Variants in PC observed in about 807,000 individuals in gnomAD.
PC encodes the protein pyruvate carboxylase.
In PC, 46 loss-of-function variants were observed where a neutral mutation model predicts 107.8. That is an observed-to-expected ratio of 0.43 (90% confidence interval 0.34 to 0.55). The LOEUF is 0.55. Among genes scored for constraint, PC ranks in the 20% least tolerant of loss-of-function variants. The pLI, the probability that PC is intolerant of heterozygous loss-of-function variation, is 0.04. For synonymous variants in PC, 662 were observed against 684.7 expected (o/e 0.97, Z 0.52); for missense variants, 1,241 against 1,643.1 (o/e 0.76, Z 4.23).
intron 12 of PC, chr11:66,859,985 C>A: frequency 6.2e-7 from 1 of 1,600,470 alleles, no homozygotes; most frequent in Non-Finnish European, 8.5e-7. Context: ...GCCCCAGCCC[C>A]ACACCCAAGG....
At chr11:66,860,612 C>G in intron 12 of PC, 1 of 701,512 alleles carries the variant, frequency 1.4e-6, no homozygotes, top group Non-Finnish European at 2.6e-6. Context: ...CTCCTGGCTT[C>G]CTGTCCACAG....
chr11:66,896,491 A>G lies in PC; in HGVS notation c.1-24332T>C, dbSNP rs118140671. On this transcript the variant is annotated intron_variant, in intron 3 of 22. Coordinates refer to ENST00000393960, the MANE Select transcript of PC (RefSeq NM_001040716.2). ...TGCTGTCAATATGCTGCACCCAAAC[A>G]AGGGAGCAAGCAAACGAGAAAGAGG... Among the ~76,000 whole-genome samples the G allele has an allele frequency of 5.5e-4, 84 of 152,336 alleles. 1 individual carries two copies. The highest frequency in any genetic ancestry group is 9.1e-4 in the Admixed American group (14 of 15,304).
At chr11:66,877,021 C>T (rs1009321730) in intron 3 of PC, among the ~76,000 whole-genome samples, 4 of 152,178 alleles carry the variant, frequency 2.6e-5, no homozygotes, top group Non-Finnish European at 5.9e-5. Context: ...GGAGGCGGCC[C>T]GCAGGCACTG....
chr11:66,886,311 G>A (rs1947360909), intron 3 of PC, among the ~76,000 whole-genome samples: 1 of 150,106 alleles, frequency 6.7e-6, no homozygotes, highest in African/African-American at 2.4e-5. Context: ...GAGGCAGGGA[G>A]TGCAGGCAGG....
At position 66,849,223 on chromosome 11, in the gene PC, A is replaced by T; in HGVS notation, c.3288+7T>A. 2 of 1,613,736 alleles carry T rather than the reference A, an allele frequency of 1.2e-6. No homozygotes were observed. Among genetic ancestry groups the T allele is most frequent in the Non-Finnish European group, 1.7e-6 (2 of 1,180,028 alleles). ...CACCGCCTGGCTGGCCCTGGGGGAG[A>T]CAATACCTTCATGGCCTGGGTGTCC... On this transcript the variant is annotated splice_region_variant and intron_variant, in intron 22 of 22. Coordinates refer to ENST00000393960, the MANE Select transcript of PC (RefSeq NM_001040716.2).
intron 1 of PC, 141 bp from the exon 2 acceptor site, chr11:66,954,577 G>T (rs138229787): frequency 2.0e-5 from 3 of 152,416 alleles, no homozygotes; most frequent in East Asian, 3.9e-4. Context: ...TACAAGAAAC[G>T]GGGCCCATTC....
At chr11:66,895,200 TG>T (rs1338376503) in intron 3 of PC, among the ~76,000 whole-genome samples, 1 of 151,870 alleles carries the variant, frequency 6.6e-6, no homozygotes, top group Non-Finnish European at 1.5e-5. Flanking sequence ...TTGCCAAAAA[TG>T]GGGGTGGCAG....
chr11:66,855,056 C>A (rs959657093), intron 12 of PC, among the ~76,000 whole-genome samples: 1 of 152,272 alleles, frequency 6.6e-6, no homozygotes, highest in Non-Finnish European at 1.5e-5. Flanking sequence ...GGAACCTGCA[C>A]GGGCAGGGCT....
At chr11:66,875,517 C>T (rs1414177318) in intron 3 of PC, among the ~76,000 whole-genome samples, 1 of 152,048 alleles carries the variant, frequency 6.6e-6, no homozygotes, top group African/African-American at 2.4e-5. Context: ...GTCAGGCCTG[C>T]GTCTTCAGGC....
intron 16 of PC, 24 bp downstream of exon 16, chr11:66,851,766 C>T (rs1232405089): frequency 6.2e-7 from 1 of 1,612,776 alleles, no homozygotes; most frequent in South Asian, 1.1e-5. Flanking sequence ...CAGGTAGCGT[C>T]TGCCCACCCC....
At chr11:66,849,891 T>C (rs1945367001) in intron 20 of PC, 32 bp from the exon 21 acceptor site, 1 of 1,613,402 alleles carries the variant, frequency 6.2e-7, no homozygotes, top group East Asian at 2.2e-5. Context: ...CAGTCCCAAG[T>C]CCTGCATCCA....
Position 66,857,064 on chromosome 11 carries a change from G to T in PC, c.1369-3681C>A, listed in dbSNP as rs1476044115. The T allele has an allele frequency of 2.7e-5, 4 of 146,838 alleles. No individual in the cohort carries two copies. Among genetic ancestry groups the T allele is most frequent in the Admixed American group, 6.8e-5 (1 of 14,802 alleles). The allele number at this position is 146,838 out of a possible 1,614,324, so 9.1% of individuals were successfully genotyped here. A position where few individuals can be genotyped will look rare whatever the true frequency, so the allele number is the denominator to read the frequency against. ...GTGCGTGTCCGCGGCGCGCGCGCCC[G>T]CCGGCGCGCACCCGCTCGCCTGTCG... On this transcript the variant is annotated intron_variant, in intron 12 of 22. Transcript: ENST00000393960. This position sits in a 1 kb window ranked among gnomAD's most constrained non-coding sequence, Gnocchi z 7.1.
intron 3 of PC, among the ~76,000 whole-genome samples, chr11:66,885,215 G>A (rs914267831): frequency 6.6e-5 from 10 of 152,204 alleles, no homozygotes; most frequent in East Asian, 1.9e-4. Flanking sequence ...TGGGCCAGGC[G>A]CGATGGCTCA....
chr11:66,851,641 T>C (rs1468355632), intron 16 of PC, 149 bp downstream of exon 16: 30 of 860,052 alleles, frequency 3.5e-5, no homozygotes, highest in Non-Finnish European at 5.6e-5. Flanking sequence ...TTTACACTTC[T>C]CGATATTTCC....
At chr11:66,855,024 C>T (rs902914556) in intron 12 of PC, among the ~76,000 whole-genome samples, 1 of 152,276 alleles carries the variant, frequency 6.6e-6, no homozygotes, top group Non-Finnish European at 1.5e-5. Context: ...AGCTGATGCT[C>T]ACCTTTCCAG....
rs1565242741 is a variant in PC, at chr11:66,870,281, C to T, written c.903+21G>A. On this transcript the variant is annotated intron_variant, in intron 9 of 22. Transcript: ENST00000393960. This position sits in a 1 kb window ranked among gnomAD's most constrained non-coding sequence, Gnocchi z 6.1. ...CTGTGAGCACAGGCTCCTGTCCCAA[C>T]ACGGGAAGCCCACCCTTCACCTGTT... 6.2e-7 allele frequency: 1 copy of T among 1,612,052 alleles called. No individual in the cohort carries two copies. The highest frequency in any genetic ancestry group is 1.1e-5 in the South Asian group (1 of 91,036).
chr11:66,870,725 T>TGTGACGGCAC lies in PC; in HGVS notation c.751+49_751+50insGTGCCGTCAC. The TGTGACGGCAC allele has an allele frequency of 6.5e-7, 1 of 1,538,560 alleles. No individual in the cohort carries two copies. The highest frequency in any genetic ancestry group is 8.9e-7 in the Non-Finnish European group (1 of 1,118,974). ...ACTGTGACGGCACCAGGACTGGGCC[T>TGTGACGGCAC]CTCAGCTCCCGCCTCCAGCTGCCCC... On this transcript the variant is annotated intron_variant, in intron 8 of 22. Transcript: ENST00000393960. This position sits in a 1 kb window ranked among gnomAD's most constrained non-coding sequence, Gnocchi z 6.1.
chr11:66,865,290 A>T (rs1428966215), intron 11 of PC, among the ~76,000 whole-genome samples: 1 of 152,070 alleles, frequency 6.6e-6, no homozygotes, highest in Admixed American at 6.5e-5. Flanking sequence ...TGCTCCCCTC[A>T]CCGCCCCACA....
chr11:66,955,376 G>A (rs1949535906), intron 1 of PC, among the ~76,000 whole-genome samples: 1 of 152,138 alleles, frequency 6.6e-6, no homozygotes, highest in Non-Finnish European at 1.5e-5. Context: ...AAAGCAAGGA[G>A]CAGGACAAAA....
Sources: gnomAD v4.1 joint callset for allele counts (sites outside exome capture counted in the v4.1 genomes callset) on GRCh38, gnomAD v4.1.1 for gene constraint, Gnocchi (gnomAD v3.1) non-coding constraint, MANE v1.5 for transcripts, NCBI Gene and HGNC (gene_info 2026-07-23, HGNC 2026-07-21) for gene names.